The following PIK3R5 variants were observed in gnomAD, a reference collection of about 807,000 sequenced individuals.
PIK3R5 encodes phosphoinositide-3-kinase regulatory subunit 5, also known as phosphoinositide 3-kinase regulatory subunit 5.
Under a neutral mutation model 94.9 loss-of-function variants are expected in PIK3R5, and 32 were observed. That is an observed-to-expected ratio of 0.34 (90% CI 0.25 to 0.45). PIK3R5 has a LOEUF of 0.45. PIK3R5 is among the 20% of genes least tolerant of loss of function. The pLI is 1.00. For synonymous variants in PIK3R5, 443 were observed against 479.4 expected (o/e 0.92, Z 0.99); for missense variants, 853 against 1,144.6 (o/e 0.75, Z 3.68).
rs752340172 is a variant in PIK3R5, at chr17:8,904,655, C to T, written c.412+122G>A. 6.5e-6 allele frequency: 6 copies of T among 917,216 alleles called. No homozygotes were observed. Among genetic ancestry groups the T allele is most frequent in the Non-Finnish European group, 1.0e-5 (6 of 589,728 alleles). 56.8% of individuals were successfully genotyped at this position (917,216 alleles called of 1,614,324 possible). Reference sequence around the variant, plus strand: ...GAGACTCCATGTTTGTGAACCAAGGCGTTGGCAGAGATGAATCAAAGGATG... The same window carrying T: ...GAGACTCCATGTTTGTGAACCAAGGTGTTGGCAGAGATGAATCAAAGGATG... On this transcript the variant is annotated intron_variant, in intron 5 of 18. Coordinates refer to ENST00000447110, the MANE Select transcript of PIK3R5 (RefSeq NM_001142633.3). The surrounding 1 kb of genome is among the most constrained non-coding windows in gnomAD (Gnocchi z 5.1).
chr17:8,894,368 C>T (rs1238667072), intron 5 of PIK3R5, among the ~76,000 whole-genome samples: 1 of 152,178 alleles, frequency 6.6e-6, no homozygotes, highest in Non-Finnish European at 1.5e-5. Context: ...CTCAGCCCAT[C>T]CACTTTGCCT....
Position 8,887,459 on chromosome 17 carries a change from G to A in PIK3R5, c.1779+62C>T, listed in dbSNP as rs1597374898. ...TGCTTGCTTTCCATGACTTCCAATC[G>A]GCTTCCTTCAGGTAGCCAGAACTCT... On this transcript the variant is annotated intron_variant, in intron 11 of 18. Transcript: ENST00000447110. The A allele has an allele frequency of 5.1e-5, 78 of 1,520,576 alleles. No individual in the cohort carries two copies. The East Asian group carries it at 1.1e-3, about 22-fold the overall frequency. 94.2% of individuals were successfully genotyped at this position (1,520,576 alleles called of 1,614,324 possible). A position where few individuals can be genotyped will look rare whatever the true frequency, so the allele number is the denominator to read the frequency against.
rs566092484 is a variant in PIK3R5 at position 8,909,184 on chromosome 17, G to C, written c.104-10C>G. 1 of 1,567,524 alleles carries C rather than the reference G, an allele frequency of 6.4e-7. No individual in the cohort carries two copies. The highest frequency in any genetic ancestry group is 1.4e-5 in the African/African-American group (1 of 73,648). Reference sequence around the variant, plus strand: ...TTCAGACACAGCCCAGCTGGAAAAGGAGAGAGAGGCAAGGGGTCAGTTCTG... The same window carrying C: ...TTCAGACACAGCCCAGCTGGAAAAGCAGAGAGAGGCAAGGGGTCAGTTCTG... On this transcript the variant is annotated splice_polypyrimidine_tract_variant and intron_variant, in intron 2 of 18. Transcript: ENST00000447110. This position sits in a 1 kb window ranked among gnomAD's most constrained non-coding sequence, Gnocchi z 4.3.
chr17:8,933,812 T>A (rs540053840), intron 1 of PIK3R5, among the ~76,000 whole-genome samples: 123 of 152,290 alleles, frequency 8.1e-4, no homozygotes, highest in African/African-American at 2.9e-3. Context: ...AAGTCAACTT[T>A]CAAAAATTAA....
Position 8,887,311 on chromosome 17 carries a change from T to G in PIK3R5, c.1780-90A>C. 6.5e-6 allele frequency: 10 copies of G among 1,529,462 alleles called. No homozygotes were observed. The East Asian group carries it at 1.1e-4, about 17-fold the overall frequency. 94.7% of individuals were successfully genotyped at this position (1,529,462 alleles called of 1,614,324 possible). A position where few individuals can be genotyped will look rare whatever the true frequency, so the allele number is the denominator to read the frequency against. On this transcript the variant is annotated intron_variant, in intron 11 of 18. Transcript: ENST00000447110. ...GCCTTGGATGGCACCTGCAGCCCCA[T>G]GCTGAGCTTCTCCCTGCCCTTGGGG...
At chr17:8,887,054 T>G in intron 12 of PIK3R5, 42 bp downstream of exon 12, 1 of 1,610,538 alleles carries the variant, frequency 6.2e-7, no homozygotes, top group South Asian at 1.1e-5. Context: ...GCTGGGTGAC[T>G]GCAGCCAGTG....
Position 8,880,571 on chromosome 17 carries a change from G to C in PIK3R5, c.*68C>G, listed in dbSNP as rs2089628149. On this transcript the variant is annotated 3_prime_UTR_variant, in exon 19 of 19. Transcript: ENST00000447110. The stretch of plus-strand genomic sequence containing the variant: ...GGCCATTCAGTTCTCCACAGAGAGG[G>C]ACTGTCCTGGAGGGGTGGCCGAGGA... 5 of 1,434,798 alleles carry C rather than the reference G, an allele frequency of 3.5e-6. No individual in the cohort carries two copies. Among genetic ancestry groups the C allele is most frequent in the Non-Finnish European group, 4.7e-6 (5 of 1,073,348 alleles). 88.9% of individuals were successfully genotyped at this position (1,434,798 alleles called of 1,614,324 possible).
rs2090100855 is a variant in PIK3R5 at position 8,894,377 on chromosome 17, C to T, written c.413-722G>A. On this transcript the variant is annotated intron_variant, in intron 5 of 18. Transcript: ENST00000447110. ...GCACCTCTCAGCCCATCCACTTTGC[C>T]TTAGCTCCAGCCAGGCAGTGGGTTT... is the stretch of plus-strand genomic sequence containing the variant. Among the ~76,000 whole-genome samples, 4 of 152,176 alleles carry T rather than the reference C, an allele frequency of 2.6e-5. 1 individual carries two copies. The South Asian group carries it at 8.3e-4, about 32-fold the overall frequency.
At chr17:8,887,853 TAGTC>T (rs1239986907) in intron 10 of PIK3R5, among the ~76,000 whole-genome samples, 170 bp from the exon 11 acceptor site, 1 of 146,316 alleles carries the variant, frequency 6.8e-6, no homozygotes, top group Non-Finnish European at 1.5e-5. Context: ...AAAAAAAAAT[TAGTC>T]AGGTGTGGTG....
chr17:8,961,896 A>T (rs2091573286), intron 1 of PIK3R5, among the ~76,000 whole-genome samples: 1 of 152,236 alleles, frequency 6.6e-6, no homozygotes, highest in South Asian at 2.1e-4. Flanking sequence ...AACTTGCTGT[A>T]GCTGTGACTC....
chr17:8,905,294 G>A (rs2090370801), intron 4 of PIK3R5, among the ~76,000 whole-genome samples: 1 of 152,268 alleles, frequency 6.6e-6, no homozygotes, highest in Non-Finnish European at 1.5e-5. Flanking sequence ...TTTGAGGATG[G>A]ATTCAGTCAG....
At position 8,890,931 on chromosome 17, in the gene PIK3R5, G is replaced by A. The variant is rs563983427; in HGVS notation, c.483-19C>T. Reference sequence around the variant, plus strand: ...CACGGTGCTGGGGACACAGGGGACCGGCTATGGCACCCAGGGGTGCGCAGC... The same window carrying A: ...CACGGTGCTGGGGACACAGGGGACCAGCTATGGCACCCAGGGGTGCGCAGC... On this transcript the variant is annotated intron_variant, in intron 6 of 18. Coordinates refer to ENST00000447110, the MANE Select transcript of PIK3R5 (RefSeq NM_001142633.3). The surrounding 1 kb of genome is among the most constrained non-coding windows in gnomAD (Gnocchi z 6.1). The A allele has an allele frequency of 1.9e-6, 3 of 1,610,750 alleles. No individual in the cohort carries two copies. Among genetic ancestry groups the A allele is most frequent in the South Asian group, 2.2e-5 (2 of 90,636 alleles).
chr17:8,938,423 C>T (rs2091115455), intron 1 of PIK3R5, among the ~76,000 whole-genome samples: 1 of 152,078 alleles, frequency 6.6e-6, no homozygotes, highest in South Asian at 2.1e-4. Context: ...TAAAGAATAC[C>T]CTTCAGCGGC....
chr17:8,885,534 T>C (rs1186536147), intron 14 of PIK3R5, among the ~76,000 whole-genome samples: 6 of 91,620 alleles, frequency 6.5e-5, no homozygotes, highest in African/African-American at 2.2e-4. Flanking sequence ...CCCATGGCCC[T>C]GCCTCCCGGT....
chr17:8,946,571 A>T (rs895293942), intron 1 of PIK3R5, among the ~76,000 whole-genome samples: 4 of 151,928 alleles, frequency 2.6e-5, no homozygotes, highest in Non-Finnish European at 5.9e-5. Context: ...TCAAATAAAA[A>T]TTCTTACCAA....
intron 1 of PIK3R5, among the ~76,000 whole-genome samples, chr17:8,963,984 C>A (rs554795924): frequency 6.6e-6 from 1 of 152,228 alleles, no homozygotes; most frequent in East Asian, 1.9e-4. Flanking sequence ...GGTCCACAGG[C>A]AAAGACCCAC....
chr17:8,944,611 G>T (rs2091242585), intron 1 of PIK3R5, among the ~76,000 whole-genome samples: 1 of 152,202 alleles, frequency 6.6e-6, no homozygotes, highest in Non-Finnish European at 1.5e-5. Context: ...AATGAAGAGT[G>T]GGAACATACC....
intron 1 of PIK3R5, among the ~76,000 whole-genome samples, chr17:8,958,781 G>C (rs370922847): frequency 9.5e-5 from 14 of 147,046 alleles, no homozygotes; most frequent in African/African-American, 3.5e-4. Context: ...TTTCTGAGAT[G>C]AAGTTTCCCT....
rs1209835561 is a variant in PIK3R5 at position 8,892,748 on chromosome 17, G to A, written c.482+838C>T. Among the ~76,000 whole-genome samples, 2 of 152,202 alleles carry A rather than the reference G, an allele frequency of 1.3e-5. No individual in the cohort carries two copies. Among genetic ancestry groups the A allele is most frequent in the African/African-American group, 4.8e-5 (2 of 41,442 alleles). On this transcript the variant is annotated intron_variant, in intron 6 of 18. Coordinates refer to ENST00000447110, the MANE Select transcript of PIK3R5 (RefSeq NM_001142633.3). The surrounding 1 kb of genome is among the most constrained non-coding windows in gnomAD (Gnocchi z 4.3). ...GGAAGTCAAGAAGTGTTGCTCAGGG[G>A]AGTGAGTGGGAAGTGAACCCCTGGG...
Sources: gnomAD v4.1 joint callset for allele counts (sites outside exome capture counted in the v4.1 genomes callset) on GRCh38, gnomAD v4.1.1 for gene constraint, Gnocchi (gnomAD v3.1) non-coding constraint, MANE v1.5 for transcripts, NCBI Gene and HGNC (gene_info 2026-07-23, HGNC 2026-07-21) for gene names.